Variants in IQCH observed in about 807,000 individuals in gnomAD.
IQCH encodes the protein IQ domain-containing protein H.
A neutral mutation model predicts 117.0 loss-of-function variants in IQCH; 98 were observed. The observed-to-expected ratio is 0.84, with a 90% CI of 0.71 to 0.99. IQCH has a LOEUF of 0.99. Ranked by LOEUF, IQCH falls within the 50% of genes least tolerant of loss-of-function variation. The pLI is 0.00. For missense variants in IQCH, 1,102 were observed against 1,243.8 expected (o/e 0.89, Z 1.72); for synonymous variants, 412 against 448.2 (o/e 0.92, Z 1.02).
chr15:67,464,448 CATTTTT>C (rs781727912), intron 16 of IQCH, among the ~76,000 whole-genome samples: 12 of 152,148 alleles, frequency 7.9e-5, no homozygotes, highest in East Asian at 1.9e-4. Flanking sequence ...TTTTTTAAAG[CATTTTT>C]ATTTTTATTT....
At chr15:67,360,662 A>G (rs113806643) in intron 8 of IQCH, among the ~76,000 whole-genome samples, 2 of 152,244 alleles carry the variant, frequency 1.3e-5, no homozygotes, top group African/African-American at 4.8e-5. Flanking sequence ...CATTATTAAG[A>G]GCATCTTCTA....
chr15:67,367,058 A>G (rs762163756), intron 8 of IQCH, among the ~76,000 whole-genome samples: 1 of 152,162 alleles, frequency 6.6e-6, no homozygotes, highest in Non-Finnish European at 1.5e-5. Flanking sequence ...TATCAAAATT[A>G]GAAGTGCCCT....
rs1971163860 is a variant in IQCH, at chr15:67,388,050, T to A, written c.1457-781T>A. 6.6e-6 allele frequency among the ~76,000 whole-genome samples: 1 copy of A among 152,228 alleles called. No individual in the cohort carries two copies. Among genetic ancestry groups the A allele is most frequent in the Non-Finnish European group, 1.5e-5 (1 of 68,042 alleles). On this transcript the variant is annotated intron_variant, in intron 11 of 20. Transcript: ENST00000335894. The surrounding 1 kb of genome is among the most constrained non-coding windows in gnomAD (Gnocchi z 5.5). ...ATCAGTCAGCTATTTTGTGAATGAA[T>A]GGATGAACAAATGAATGACTTCATT...
At chr15:67,293,580 A>G (rs1596117824) in intron 4 of IQCH, among the ~76,000 whole-genome samples, 1 of 152,228 alleles carries the variant, frequency 6.6e-6, no homozygotes, top group African/African-American at 2.4e-5. Flanking sequence ...TATGTTTGGT[A>G]CAGATACATT....
chr15:67,373,634 A>C lies in IQCH; in HGVS notation c.1372+201A>C, dbSNP rs573515995. On this transcript the variant is annotated intron_variant, in intron 10 of 20. Coordinates refer to ENST00000335894, the MANE Select transcript of IQCH (RefSeq NM_001031715.3). ...TGGGGATTAAGCAAATAAAGTCATT[A>C]TGTGGGGGCTGCTATTCAGTGGAGA... The C allele has an allele frequency of 1.3e-3, 857 of 660,804 alleles. 3 individuals are homozygous for C. The highest frequency in any genetic ancestry group is 2.5e-3 in the Admixed American group (100 of 39,404). 40.9% of individuals were successfully genotyped at this position (660,804 alleles called of 1,614,324 possible).
At chr15:67,297,587 C>T (rs1383860289) in intron 4 of IQCH, among the ~76,000 whole-genome samples, 1 of 152,140 alleles carries the variant, frequency 6.6e-6, no homozygotes, top group Non-Finnish European at 1.5e-5. Context: ...ATCTTTCCCT[C>T]CATCATGCCG....
intron 6 of IQCH, among the ~76,000 whole-genome samples, chr15:67,352,829 T>C (rs1280461474): frequency 6.6e-6 from 1 of 152,216 alleles, no homozygotes; most frequent in Non-Finnish European, 1.5e-5. Flanking sequence ...TGTAGACCAA[T>C]GTCTTTCATC....
chr15:67,471,795 G>A (rs2083076437), intron 17 of IQCH, among the ~76,000 whole-genome samples: 1 of 152,172 alleles, frequency 6.6e-6, no homozygotes, highest in African/African-American at 2.4e-5. Flanking sequence ...CTATCAGGCT[G>A]GACATAAGAC....
In IQCH at chr15:67,463,321, C is replaced by T. The variant is rs1287791261; in HGVS notation, c.2506-1806C>T. 6.6e-6 allele frequency among the ~76,000 whole-genome samples: 1 copy of T among 152,226 alleles called. No homozygotes were observed. The highest frequency in any genetic ancestry group is 1.5e-5 in the Non-Finnish European group (1 of 68,040). ...CCAGAAATACTTCATGTTTTCTCCA[C>T]AAGACATTTTCATGGCATGTCTTAT... On this transcript the variant is annotated intron_variant, in intron 16 of 20. Coordinates refer to ENST00000335894, the MANE Select transcript of IQCH (RefSeq NM_001031715.3). The surrounding 1 kb of genome is among the most constrained non-coding windows in gnomAD (Gnocchi z 4.0).
At chr15:67,323,852 G>T (rs1018705066) in intron 4 of IQCH, among the ~76,000 whole-genome samples, 1 of 150,788 alleles carries the variant, frequency 6.6e-6, no homozygotes, top group African/African-American at 2.4e-5. Flanking sequence ...AGAAGAAAAA[G>T]ATATTATCTT....
rs2082140473 is a variant in IQCH at position 67,436,543 on chromosome 15, C to T, written c.2505+14966C>T. Among the ~76,000 whole-genome samples, 1 of 152,182 alleles carries T rather than the reference C, an allele frequency of 6.6e-6. No individual in the cohort carries two copies. The highest frequency in any genetic ancestry group is 1.5e-5 in the Non-Finnish European group (1 of 68,030). On this transcript the variant is annotated intron_variant, in intron 16 of 20. Coordinates refer to ENST00000335894, the MANE Select transcript of IQCH (RefSeq NM_001031715.3). The surrounding 1 kb of genome is among the most constrained non-coding windows in gnomAD (Gnocchi z 5.1). Reference sequence around the variant, plus strand: ...ATTCTCTAGCTAAAGTTTGTAACAACTTGAACAGGGTGAGAAGCCTCCTGG... The same window carrying T: ...ATTCTCTAGCTAAAGTTTGTAACAATTTGAACAGGGTGAGAAGCCTCCTGG...
In IQCH at chr15:67,458,943, T is replaced by C. The variant is rs2082723730; in HGVS notation, c.2506-6184T>C. On this transcript the variant is annotated intron_variant, in intron 16 of 20. Coordinates refer to ENST00000335894, the MANE Select transcript of IQCH (RefSeq NM_001031715.3). This position sits in a 1 kb window ranked among gnomAD's most constrained non-coding sequence, Gnocchi z 4.1. ...TGTCTCAGAGTTGGCTTATTTGGAG[T>C]GCCTGTCTTTTTAAAAATTTTCGGC... 6.6e-6 allele frequency among the ~76,000 whole-genome samples: 1 copy of C among 152,166 alleles called. No individual in the cohort carries two copies. Among genetic ancestry groups the C allele is most frequent in the Non-Finnish European group, 1.5e-5 (1 of 68,022 alleles).
chr15:67,334,241 CAT>C (rs748329196), intron 4 of IQCH, among the ~76,000 whole-genome samples: 2 of 152,166 alleles, frequency 1.3e-5, no homozygotes, highest in East Asian at 3.9e-4. Context: ...TAATAAAAAA[CAT>C]GACAAAAAGA....
chr15:67,482,354 T>C (rs1442136871), intron 18 of IQCH, among the ~76,000 whole-genome samples: 1 of 152,260 alleles, frequency 6.6e-6, no homozygotes, highest in Non-Finnish European at 1.5e-5. Context: ...TACCCAGTCC[T>C]GTTCCACCAG....
At chr15:67,281,983 G>T in intron 4 of IQCH, 1 of 337,246 alleles carries the variant, frequency 3.0e-6, no homozygotes. Context: ...TCTCTGAGGA[G>T]TGCTTACTGT....
Position 67,395,173 on chromosome 15 carries a change from A to G in IQCH, c.1633-118A>G. 3 of 1,099,854 alleles carry G rather than the reference A, an allele frequency of 2.7e-6. No individual in the cohort carries two copies. Among genetic ancestry groups the G allele is most frequent in the Non-Finnish European group, 3.9e-6 (3 of 768,334 alleles). The allele number at this position is 1,099,854 out of a possible 1,614,324, so 68.1% of individuals were successfully genotyped here. A position where few individuals can be genotyped will look rare whatever the true frequency, so the allele number is the denominator to read the frequency against. ...TCAATTTAAACTGCTAAACAACAGG[A>G]TAGGTCATAACCCAGCCTGCTATTA... On this transcript the variant is annotated intron_variant, in intron 12 of 20. Coordinates refer to ENST00000335894, the MANE Select transcript of IQCH (RefSeq NM_001031715.3). The surrounding 1 kb of genome is among the most constrained non-coding windows in gnomAD (Gnocchi z 4.0).
chr15:67,475,608 C>G lies in IQCH; in HGVS notation c.2677-88C>G. On this transcript the variant is annotated intron_variant, in intron 17 of 20. Coordinates refer to ENST00000335894, the MANE Select transcript of IQCH (RefSeq NM_001031715.3). This position sits in a 1 kb window ranked among gnomAD's most constrained non-coding sequence, Gnocchi z 5.7. ...GGGATATAGGAACTCTCAGAATTAT[C>G]TTCGCAATTTTCCTGTTAATCTCAA... 8.3e-7 allele frequency: 1 copy of G among 1,200,618 alleles called. No homozygotes were observed. The highest frequency in any genetic ancestry group is 1.2e-6 in the Non-Finnish European group (1 of 843,488). The allele number at this position is 1,200,618 out of a possible 1,614,324, so 74.4% of individuals were successfully genotyped here. A position where few individuals can be genotyped will look rare whatever the true frequency, so the allele number is the denominator to read the frequency against.
At chr15:67,309,568 G>T (rs980874392) in intron 4 of IQCH, among the ~76,000 whole-genome samples, 5 of 151,920 alleles carry the variant, frequency 3.3e-5, no homozygotes, top group Non-Finnish European at 7.4e-5. Flanking sequence ...TGATTTTGCT[G>T]GCTCCTAGTA....
In IQCH at chr15:67,332,136, T is replaced by C. The variant is rs537894255; in HGVS notation, c.388-4839T>C. ...ATGAAAGAGAAAGGGTATTCGATAA[T>C]ATAATGTAAGAAAATTTTCTCAAAG... On this transcript the variant is annotated intron_variant, in intron 4 of 20. Transcript: ENST00000335894. 2.9e-3 allele frequency among the ~76,000 whole-genome samples: 447 copies of C among 152,238 alleles called. 2 individuals are homozygous for C. Among genetic ancestry groups the C allele is most frequent in the African/African-American group, 0.01 (430 of 41,554 alleles).
Sources: allele counts gnomAD v4.1 joint callset (sites outside exome capture counted in the v4.1 genomes callset), GRCh38; gene constraint gnomAD v4.1.1; non-coding constraint Gnocchi (gnomAD v3.1); transcripts MANE v1.5; gene names NCBI Gene and HGNC (gene_info 2026-07-23, HGNC 2026-07-21).